ROMO1: variants seen among roughly 807,000 people sequenced by gnomAD.
The protein encoded by ROMO1 is reactive oxygen species modulator 1.
Under a neutral mutation model 7.4 loss-of-function variants are expected in ROMO1, and 8 were observed. The observed-to-expected ratio is 1.08, with a 90% confidence interval of 0.63 to 1.95. ROMO1 has a LOEUF of 1.95. Among genes scored for constraint, ROMO1 ranks in the 30% most tolerant of loss-of-function variants. ROMO1 has a pLI of 0.00. For missense variants in ROMO1, 91 were observed against 115.9 expected, an observed-to-expected ratio of 0.79 and a Z score of 0.99; for synonymous variants, 43 against 41.4, an observed-to-expected ratio of 1.04 and a Z score of -0.15.
At position 35,700,057 on chromosome 20, in the gene ROMO1, A is replaced by C. The variant is rs190524029; in HGVS notation, c.131+294A>C. 6.6e-4 allele frequency among the ~76,000 whole-genome samples: 101 copies of C among 152,308 alleles called. 2 individuals are homozygous for C. The highest frequency in any genetic ancestry group is 6.3e-3 in the Admixed American group (96 of 15,296). ...GTGTAGAATGAAGACAGTAGCATCT[A>C]ACTTATAGAGTTGTAAAAATTCGAT... On this transcript the variant is annotated intron_variant, in intron 2 of 2. Transcript: ENST00000374077.
At chr20:35,700,396 C>G (rs1035418604) in intron 2 of ROMO1, among the ~76,000 whole-genome samples, 7 of 152,148 alleles carry the variant, frequency 4.6e-5, no homozygotes, top group African/African-American at 1.4e-4. Flanking sequence ...CCATTTTACA[C>G]TTGACACTAT....
rs2035253332 is a variant in ROMO1, at chr20:35,700,871, A to G, written c.205A>G (p.Thr69Ala). The change falls in exon 3 of 3, where the codon ACA becomes GCA. Residue 69 changes from threonine to alanine, a missense_variant. Thr to Ala is a moderately conservative substitution (Grantham distance 58, BLOSUM62 0). Coordinates refer to ENST00000374077, the MANE Select transcript of ROMO1 (RefSeq NM_080748.3). ...TMMQSGGTFGTFMAIGMGIRC is the reference protein window; with the variant it reads ...TMMQSGGTFGAFMAIGMGIRC ...GATGCAGAGTGGCGGCACCTTTGGCACATTCATGGCCATTGGGATGGGCAT... is the reference window on the plus strand; with the variant it reads ...GATGCAGAGTGGCGGCACCTTTGGCGCATTCATGGCCATTGGGATGGGCAT... 6.2e-7 allele frequency: 1 copy of G among 1,614,126 alleles called. No homozygotes were observed. Among genetic ancestry groups the G allele is most frequent in the East Asian group, 2.2e-5 (1 of 44,886 alleles).
At chr20:35,700,456 T>C (rs529274009) in intron 2 of ROMO1, among the ~76,000 whole-genome samples, 18 of 152,006 alleles carry the variant, frequency 1.2e-4, no homozygotes, top group African/African-American at 4.4e-4. Flanking sequence ...TCCAAAATCA[T>C]TAACACCAAG....
chr20:35,700,868 G>A lies in ROMO1; in HGVS notation c.202G>A (p.Gly68Ser). The A allele has an allele frequency of 6.2e-7, 1 of 1,614,164 alleles. No individual in the cohort carries two copies. Among genetic ancestry groups the A allele is most frequent in the Non-Finnish European group, 8.5e-7 (1 of 1,180,020 alleles). Residue 68 changes from glycine to serine, a missense_variant, in exon 3 of 3, where the codon GGC (glycine) becomes AGC (serine). Physicochemically the swap from Gly to Ser is moderately conservative, Grantham distance 56. Transcript: ENST00000374077. ...CATGATGCAGAGTGGCGGCACCTTT[G>A]GCACATTCATGGCCATTGGGATGGG... ...KTMMQSGGTF[G>S]TFMAIGMGIR...
At position 35,699,537 on chromosome 20, in the gene ROMO1, C is replaced by A; in HGVS notation, c.-1+81C>A. ...CCCACTGATTTTCCTTCCCTTACTT[C>A]CCCTGAGCCCTTGGGCCCACTTCCC... On this transcript the variant is annotated intron_variant, in intron 1 of 2. Transcript: ENST00000374077. The surrounding 1 kb of genome is among the most constrained non-coding windows in gnomAD (Gnocchi z 4.4). The A allele has an allele frequency of 6.5e-7, 1 of 1,537,318 alleles. No individual in the cohort carries two copies. The highest frequency in any genetic ancestry group is 8.8e-7 in the Non-Finnish European group (1 of 1,132,454).
In ROMO1 at chr20:35,699,548, T is replaced by C. The variant is rs936263772; in HGVS notation, c.1-85T>C. 5.1e-6 allele frequency: 8 copies of C among 1,575,252 alleles called. No individual in the cohort carries two copies. The highest frequency in any genetic ancestry group is 6.9e-6 in the Non-Finnish European group (8 of 1,160,932). ...TCCTTCCCTTACTTCCCCTGAGCCC[T>C]TGGGCCCACTTCCCAGCCTACCGCT... On this transcript the variant is annotated intron_variant, in intron 1 of 2. Coordinates refer to ENST00000374077, the MANE Select transcript of ROMO1 (RefSeq NM_080748.3). This position sits in a 1 kb window ranked among gnomAD's most constrained non-coding sequence, Gnocchi z 4.4.
In ROMO1 at chr20:35,699,577, G is replaced by T; in HGVS notation, c.1-56G>T. On this transcript the variant is annotated intron_variant, in intron 1 of 2. Coordinates refer to ENST00000374077, the MANE Select transcript of ROMO1 (RefSeq NM_080748.3). The surrounding 1 kb of genome is among the most constrained non-coding windows in gnomAD (Gnocchi z 4.4). ...GCCCACTTCCCAGCCTACCGCTTCCGTCCCCGCCCGACTCTTGGGCCAGCG... is the reference window on the plus strand; with the variant it reads ...GCCCACTTCCCAGCCTACCGCTTCCTTCCCCGCCCGACTCTTGGGCCAGCG... 6.2e-7 allele frequency: 1 copy of T among 1,602,550 alleles called. No homozygotes were observed. The highest frequency in any genetic ancestry group is 8.5e-7 in the Non-Finnish European group (1 of 1,178,716).
Position 35,699,823 on chromosome 20 carries a change from T to C in ROMO1, c.131+60T>C, listed in dbSNP as rs2035221399. On this transcript the variant is annotated intron_variant, in intron 2 of 2. Coordinates refer to ENST00000374077, the MANE Select transcript of ROMO1 (RefSeq NM_080748.3). This position sits in a 1 kb window ranked among gnomAD's most constrained non-coding sequence, Gnocchi z 4.4. ...AACCAGACCTTCCGGCCCTGCCCCATTCGGCCTGGAGCCTGAACACAGCCT... is the reference window on the plus strand; with the variant it reads ...AACCAGACCTTCCGGCCCTGCCCCACTCGGCCTGGAGCCTGAACACAGCCT... The C allele has an allele frequency of 1.3e-6, 2 of 1,553,342 alleles. No individual in the cohort carries two copies. Among genetic ancestry groups the C allele is most frequent in the South Asian group, 1.2e-5 (1 of 84,578 alleles).
rs529441554 is a variant in ROMO1, at chr20:35,700,903, C to T, written c.237C>T (p.Cys79=). 3 of 1,608,760 alleles carry T rather than the reference C, an allele frequency of 1.9e-6. No individual in the cohort carries two copies. Among genetic ancestry groups the T allele is most frequent in the Non-Finnish European group, 2.6e-6 (3 of 1,175,192 alleles). Reference sequence around the variant, plus strand: ...TGGCCATTGGGATGGGCATCCGATGCTAACCATGGTTGCCAACTACATCTG... The same window carrying T: ...TGGCCATTGGGATGGGCATCCGATGTTAACCATGGTTGCCAACTACATCTG... ...TFMAIGMGIR[C] Residue 79 remains cysteine (C), a synonymous_variant, in exon 3 of 3, where the codon TGC becomes TGT. Transcript: ENST00000374077.
chr20:35,699,512 C>G lies in ROMO1; in HGVS notation c.-1+56C>G. Reference sequence around the variant, plus strand: ...CGAAGAGGGTGGTGGAGTCGGGCTACCCACTGATTTTCCTTCCCTTACTTC... The same window carrying G: ...CGAAGAGGGTGGTGGAGTCGGGCTAGCCACTGATTTTCCTTCCCTTACTTC... On this transcript the variant is annotated intron_variant, in intron 1 of 2. Coordinates refer to ENST00000374077, the MANE Select transcript of ROMO1 (RefSeq NM_080748.3). The surrounding 1 kb of genome is among the most constrained non-coding windows in gnomAD (Gnocchi z 4.4). The G allele has an allele frequency of 2.1e-6, 3 of 1,408,554 alleles. No homozygotes were observed. The South Asian group carries it at 3.8e-5, about 18-fold the overall frequency. The allele number at this position is 1,408,554 out of a possible 1,614,324, so 87.3% of individuals were successfully genotyped here. A position where few individuals can be genotyped will look rare whatever the true frequency, so the allele number is the denominator to read the frequency against.
At chr20:35,700,227 A>C (rs919980832) in intron 2 of ROMO1, among the ~76,000 whole-genome samples, 1 of 152,214 alleles carries the variant, frequency 6.6e-6, no homozygotes, top group African/African-American at 2.4e-5. Flanking sequence ...ACAGAGATAA[A>C]GCAGTTAAAC....
In ROMO1 at chr20:35,699,551, G is replaced by A; in HGVS notation, c.1-82G>A. 6.3e-7 allele frequency: 1 copy of A among 1,579,148 alleles called. No individual in the cohort carries two copies. The highest frequency in any genetic ancestry group is 8.6e-7 in the Non-Finnish European group (1 of 1,163,776). ...TTCCCTTACTTCCCCTGAGCCCTTG[G>A]GCCCACTTCCCAGCCTACCGCTTCC... On this transcript the variant is annotated intron_variant, in intron 1 of 2. Transcript: ENST00000374077. The surrounding 1 kb of genome is among the most constrained non-coding windows in gnomAD (Gnocchi z 4.4).
At position 35,699,825 on chromosome 20, in the gene ROMO1, C is replaced by G; in HGVS notation, c.131+62C>G. The G allele has an allele frequency of 1.3e-6, 2 of 1,544,866 alleles. No homozygotes were observed. The highest frequency in any genetic ancestry group is 1.7e-6 in the Non-Finnish European group (2 of 1,149,280). ...CCAGACCTTCCGGCCCTGCCCCATT[C>G]GGCCTGGAGCCTGAACACAGCCTCC... On this transcript the variant is annotated intron_variant, in intron 2 of 2. Coordinates refer to ENST00000374077, the MANE Select transcript of ROMO1 (RefSeq NM_080748.3). The surrounding 1 kb of genome is among the most constrained non-coding windows in gnomAD (Gnocchi z 4.4).
In ROMO1 at chr20:35,699,898, A is replaced by T; in HGVS notation, c.131+135A>T. 1 of 1,165,732 alleles carries T rather than the reference A, an allele frequency of 8.6e-7. No homozygotes were observed. The highest frequency in any genetic ancestry group is 1.2e-6 in the Non-Finnish European group (1 of 844,722). 72.2% of individuals were successfully genotyped at this position (1,165,732 alleles called of 1,614,324 possible). A position where few individuals can be genotyped will look rare whatever the true frequency, so the allele number is the denominator to read the frequency against. The stretch of plus-strand genomic sequence containing the variant: ...CCCCTCGCGAGCCAGACTCATTCCA[A>T]ACCACCTTCAATCTGTAAAGTCAGG... On this transcript the variant is annotated intron_variant, in intron 2 of 2. Coordinates refer to ENST00000374077, the MANE Select transcript of ROMO1 (RefSeq NM_080748.3). This position sits in a 1 kb window ranked among gnomAD's most constrained non-coding sequence, Gnocchi z 4.4.
chr20:35,700,042 A>G (rs186006943), intron 2 of ROMO1, among the ~76,000 whole-genome samples: 3 of 152,326 alleles, frequency 2.0e-5, no homozygotes, highest in Admixed American at 6.5e-5. Flanking sequence ...GTGTAGAATG[A>G]AGACAGTAGC....
intron 2 of ROMO1, among the ~76,000 whole-genome samples, chr20:35,700,536 C>A (rs1036777379): frequency 5.3e-5 from 8 of 152,154 alleles, no homozygotes; most frequent in Non-Finnish European, 1.5e-5. Flanking sequence ...GCTGGTTTCT[C>A]TATGTATTTT....
In ROMO1 at chr20:35,699,656, C is replaced by T; in HGVS notation, c.24C>T (p.Tyr8=). ...AGATGCCGGTGGCCGTGGGTCCCTA[C>T]GGACAGTCCCAGCCAAGCTGCTTCG... MPVAVGP[Y]GQSQPSCFDR... is the part of the protein sequence containing the mutation. The change falls in exon 2 of 3, where the codon TAC becomes TAT. Residue 8 remains tyrosine, a synonymous_variant. Coordinates refer to ENST00000374077, the MANE Select transcript of ROMO1 (RefSeq NM_080748.3). The surrounding 1 kb of genome is among the most constrained non-coding windows in gnomAD (Gnocchi z 4.4). 1 of 1,613,560 alleles carries T rather than the reference C, an allele frequency of 6.2e-7. No homozygotes were observed. Among genetic ancestry groups the T allele is most frequent in the South Asian group, 1.1e-5 (1 of 91,088 alleles).
chr20:35,699,462 C>T lies in ROMO1; in HGVS notation c.-1+6C>T, dbSNP rs1601541876. On this transcript the variant is annotated splice_donor_region_variant and intron_variant, in intron 1 of 2. Transcript: ENST00000374077. The surrounding 1 kb of genome is among the most constrained non-coding windows in gnomAD (Gnocchi z 4.4). ...CAGCCCGCGAGCGAGGTGAGGTAGG[C>T]GCCGGGCGACGCGGGGCCGGAACGC... The T allele has an allele frequency of 2.5e-6, 3 of 1,192,110 alleles. No homozygotes were observed. The highest frequency in any genetic ancestry group is 3.5e-6 in the Non-Finnish European group (3 of 863,236). The allele number at this position is 1,192,110 out of a possible 1,614,324, so 73.8% of individuals were successfully genotyped here.
chr20:35,699,744 G>T lies in ROMO1; in HGVS notation c.112G>T (p.Gly38Cys), dbSNP rs1415900079. ...AVGMAAGALFGTFSCLRIGMR... is the reference protein window; with the variant it reads ...AVGMAAGALFCTFSCLRIGMR... ...GGGCATGGCGGCCGGGGCGCTCTTC[G>T]GCACCTTTTCCTGTCTCAGGTGAGG... The change falls in exon 2 of 3, where the codon GGC becomes TGC. Residue 38 changes from glycine to cysteine, a missense_variant. Coordinates refer to ENST00000374077, the MANE Select transcript of ROMO1 (RefSeq NM_080748.3). This position sits in a 1 kb window ranked among gnomAD's most constrained non-coding sequence, Gnocchi z 4.4. 2 of 1,610,974 alleles carry T rather than the reference G, an allele frequency of 1.2e-6. No homozygotes were observed. Among genetic ancestry groups the T allele is most frequent in the Non-Finnish European group, 1.7e-6 (2 of 1,179,900 alleles).
Sources: gnomAD v4.1 joint callset for allele counts (sites outside exome capture counted in the v4.1 genomes callset) on GRCh38, gnomAD v4.1.1 for gene constraint, Gnocchi (gnomAD v3.1) non-coding constraint, MANE v1.5 for transcripts, NCBI Gene and HGNC (gene_info 2026-07-23, HGNC 2026-07-21) for gene names.